Variants in LRRC37A2 observed in about 807,000 individuals in gnomAD.
The protein encoded by LRRC37A2 is leucine-rich repeat-containing protein 37A2.
A neutral mutation model predicts 68.8 loss-of-function variants in LRRC37A2; 9 were observed. The ratio of observed to expected loss-of-function variants is 0.13; its 90% CI spans 0.08 to 0.23. LRRC37A2 has a LOEUF of 0.23. Among genes scored for constraint, LRRC37A2 ranks in the 10% least tolerant of loss-of-function variants. The pLI is 1.00. For missense variants in LRRC37A2, 168 were observed against 950.4 expected (o/e 0.18, Z 10.82); for synonymous variants, 63 against 367.6 (o/e 0.17, Z 9.48).
the LRRC37A2 span, among the ~76,000 whole-genome samples, chr17:46,890,591 G>A: frequency 6.6e-6 from 1 of 152,344 alleles, no homozygotes; most frequent in Middle Eastern, 3.4e-3. Context: ...TTTTGCAACT[G>A]AGAGACTCCT....
the LRRC37A2 span, chr17:46,923,234 C>T: frequency 1.9e-6 from 3 of 1,550,696 alleles, no homozygotes; most frequent in Non-Finnish European, 2.6e-6. Context: ...GAGGGCCGGT[C>T]GGGGAGCGGG....
intron 9 of LRRC37A2, 94 bp from the exon 9 acceptor site, chr17:46,548,218 C>T: frequency 3.3e-6 from 1 of 302,724 alleles, no homozygotes; most frequent in Non-Finnish European, 5.4e-6. Flanking sequence ...TGTTTGCTGA[C>T]TCCTACTCTG....
the LRRC37A2 span, among the ~76,000 whole-genome samples, chr17:46,493,633 G>T: frequency 0.12 from 17,654 of 145,970 alleles, no homozygotes; most frequent in Middle Eastern, 0.18. Context: ...CCCCTCCCGG[G>T]TTCACACCAT....
chr17:46,720,969 G>T, the LRRC37A2 span, among the ~76,000 whole-genome samples: 1 of 152,306 alleles, frequency 6.6e-6, no homozygotes, highest in South Asian at 2.1e-4. Context: ...TCTGGAGCCC[G>T]TAGCTGCTGC....
At chr17:46,725,067 T>A in the LRRC37A2 span, among the ~76,000 whole-genome samples, 2 of 152,356 alleles carry the variant, frequency 1.3e-5, no homozygotes, top group South Asian at 4.1e-4. Context: ...AAGACAGCAC[T>A]TGCCATCTGA....
chr17:46,773,004 C>T, the LRRC37A2 span, among the ~76,000 whole-genome samples: 1 of 152,146 alleles, frequency 6.6e-6, no homozygotes, highest in Non-Finnish European at 1.5e-5. Context: ...GCCCCCAAGT[C>T]CCCTTCTTGG....
At chr17:46,943,981 T>C in the LRRC37A2 span, among the ~76,000 whole-genome samples, 1 of 152,002 alleles carries the variant, frequency 6.6e-6, no homozygotes, top group Non-Finnish European at 1.5e-5. Context: ...AAGAGGGGGC[T>C]CTCGGAGGCT....
the LRRC37A2 span, among the ~76,000 whole-genome samples, chr17:47,000,127 A>AAAATAAAATAAAATAAAAT: frequency 1.5e-5 from 2 of 131,142 alleles, no homozygotes; most frequent in Admixed American, 2.0e-4. Context: ...AAAATAAAAT[A>AAAATAAAATAAAATAAAAT]AAATAAAATA....
the LRRC37A2 span, chr17:46,711,227 C>G: frequency 9.4e-7 from 1 of 1,066,868 alleles, no homozygotes; most frequent in South Asian, 2.3e-5. Context: ...CGTTTTTAAC[C>G]TTGTTCTTGA....
the LRRC37A2 span, among the ~76,000 whole-genome samples, chr17:47,046,296 A>C: frequency 8.3e-6 from 1 of 120,784 alleles, no homozygotes; most frequent in Admixed American, 8.6e-5. Context: ...AATGAGGTAT[A>C]ATTTTGCCAC....
chr17:46,422,675 A>AT, the LRRC37A2 span: 27 of 195,580 alleles, frequency 1.4e-4, no homozygotes, highest in Non-Finnish European at 2.5e-4. Flanking sequence ...TTGCTTAGTG[A>AT]TTTTTTTCAT....
chr17:46,744,857 C>A, the LRRC37A2 span, among the ~76,000 whole-genome samples: 1 of 152,162 alleles, frequency 6.6e-6, no homozygotes, highest in East Asian at 1.9e-4. Context: ...ACCTGAGTTG[C>A]TGCTTATGGT....
the LRRC37A2 span, among the ~76,000 whole-genome samples, chr17:47,038,747 G>A: frequency 3.2e-5 from 2 of 62,152 alleles, no homozygotes; most frequent in Admixed American, 4.1e-4. Flanking sequence ...AGGCTAGAGT[G>A]CAGTGGCACA....
chr17:46,771,749 C>T, the LRRC37A2 span, among the ~76,000 whole-genome samples: 3 of 68,348 alleles, frequency 4.4e-5, no homozygotes, highest in Non-Finnish European at 5.9e-5. Context: ...ATTGAAGCGG[C>T]GCCCCCCGCC....
the LRRC37A2 span, among the ~76,000 whole-genome samples, chr17:46,754,579 G>A: frequency 6.6e-6 from 1 of 152,158 alleles, no homozygotes; most frequent in African/African-American, 2.4e-5. Context: ...TCTCCTGTGG[G>A]CCTACGAGAA....
the LRRC37A2 span, among the ~76,000 whole-genome samples, chr17:46,772,389 T>A: frequency 6.6e-6 from 1 of 152,198 alleles, no homozygotes; most frequent in African/African-American, 2.4e-5. Flanking sequence ...CCCTGGCTCT[T>A]GGCCGGAGAC....
At chr17:47,012,874 A>G in the LRRC37A2 span, among the ~76,000 whole-genome samples, 3 of 152,356 alleles carry the variant, frequency 2.0e-5, no homozygotes, top group South Asian at 6.2e-4. Flanking sequence ...CTCCAAAGAA[A>G]TGAAAACATA....
At chr17:47,001,717 CTTTTTTTT>C in the LRRC37A2 span, among the ~76,000 whole-genome samples, 15 of 108,612 alleles carry the variant, frequency 1.4e-4, no homozygotes, top group Admixed American at 6.3e-4. Flanking sequence ...CTCTTTTTTC[CTTTTTTTT>C]TTTTTTTTTT....
the LRRC37A2 span, among the ~76,000 whole-genome samples, chr17:47,035,392 G>C: frequency 6.6e-6 from 1 of 152,108 alleles, no homozygotes; most frequent in East Asian, 1.9e-4. Context: ...GCCTATTCTA[G>C]ATCTTTCATA....
Sources: allele counts gnomAD v4.1 joint callset (sites outside exome capture counted in the v4.1 genomes callset), GRCh38; gene constraint gnomAD v4.1.1; transcripts MANE v1.5; gene names NCBI Gene and HGNC (gene_info 2026-07-23, HGNC 2026-07-21).